SLC49A3: variants seen among roughly 807,000 people sequenced by gnomAD.
SLC49A3 encodes the protein solute carrier family 49 member A3.
In SLC49A3, 50 loss-of-function variants were observed where a neutral mutation model predicts 43.8. The observed-to-expected ratio is 1.14, with a 90% confidence interval of 0.91 to 1.45. The LOEUF (loss-of-function observed/expected upper bound fraction) is 1.45. Ranked by LOEUF, SLC49A3 falls within the 40% of genes most tolerant of loss-of-function variation. SLC49A3 has a pLI of 0.00. For missense variants in SLC49A3, 906 were observed against 774.1 expected (o/e 1.17, Z -2.02); for synonymous variants, 413 against 352.0 (o/e 1.17, Z -1.94).
chr4:683,434 C>T (rs1007089509), intron 7 of SLC49A3, 67 bp from the exon 8 acceptor site: 68 of 1,558,830 alleles, frequency 4.4e-5, no homozygotes, highest in Admixed American at 9.5e-5. Flanking sequence ...CCTGGCTTCA[C>T]GGGACATGGG....
intron 1 of SLC49A3, among the ~76,000 whole-genome samples, chr4:687,620 G>C (rs1741314029): frequency 1.3e-5 from 2 of 152,230 alleles, no homozygotes; most frequent in South Asian, 2.1e-4. Context: ...GGGGCCCACA[G>C]CTGACTCACT....
Position 685,658 on chromosome 4 carries a change from A to G in SLC49A3, c.585+177T>C, listed in dbSNP as rs1266418476. ...TAGGCGGAGGTTGCAGTGAGCCGAGATCGCGCCACTGCAATTCAGCCTGAG... is the reference window on the plus strand; with the variant it reads ...TAGGCGGAGGTTGCAGTGAGCCGAGGTCGCGCCACTGCAATTCAGCCTGAG... On this transcript the variant is annotated intron_variant, in intron 4 of 9. Transcript: ENST00000322224. The surrounding 1 kb of genome is among the most constrained non-coding windows in gnomAD (Gnocchi z 4.3). Among the ~76,000 whole-genome samples the G allele has an allele frequency of 1.3e-5, 2 of 151,968 alleles. No homozygotes were observed. Among genetic ancestry groups the G allele is most frequent in the African/African-American group, 4.8e-5 (2 of 41,368 alleles).
chr4:683,168 G>GGAGT lies in SLC49A3; in HGVS notation c.1151+38_1151+41dup, dbSNP rs568694139. The GGAGT allele has an allele frequency of 9.8e-5, 158 of 1,611,170 alleles. No individual in the cohort carries two copies. In the African/African-American group the frequency reaches 2.1e-3, roughly 21 times the overall value. ...CCAGGGGTGTAGGGGTGGAGCAAGG[G>GGAGT]GAGTATCTCTGGGGTTGCAGCAGGG... On this transcript the variant is annotated intron_variant, in intron 8 of 9. Transcript: ENST00000322224.
At position 682,143 on chromosome 4, in the gene SLC49A3, CTA is replaced by C; in HGVS notation, c.1493_1494del (p.Leu498ArgfsTer46). 7.5e-7 allele frequency: 1 copy of C among 1,341,784 alleles called. No individual in the cohort carries two copies. The highest frequency in any genetic ancestry group is 1.9e-5 in the South Asian group (1 of 53,608). The allele number at this position is 1,341,784 out of a possible 1,614,324, so 83.1% of individuals were successfully genotyped here. A position where few individuals can be genotyped will look rare whatever the true frequency, so the allele number is the denominator to read the frequency against. On this transcript the variant is annotated frameshift_variant, in exon 10 of 10. Transcript: ENST00000322224. LOFTEE classifies it low-confidence loss of function (END_TRUNC). ...TPECTARGAS[L>X]EDPRGPGSPH... is the part of the protein sequence containing the mutation. ...GGGCTCCCGGGCCCTCTGGGGTCCT[CTA>C]GCGAGGCCCCCCTCGCCGTGCACTC...
chr4:691,429 T>C (rs140713128), upstream of SLC49A3, among the ~76,000 whole-genome samples: 8 of 150,710 alleles, frequency 5.3e-5, no homozygotes, highest in South Asian at 1.5e-3. Context: ...CCGTCTTCAC[T>C]AAAAATGCAA....
rs765816872 is a variant in SLC49A3 at position 682,039 on chromosome 4, G to A, written c.1599C>T (p.Leu533=). 5 of 1,425,092 alleles carry A rather than the reference G, an allele frequency of 3.5e-6. No homozygotes were observed. The highest frequency in any genetic ancestry group is 4.6e-6 in the Non-Finnish European group (5 of 1,076,978). The allele number at this position is 1,425,092 out of a possible 1,614,324, so 88.3% of individuals were successfully genotyped here. The part of the protein sequence containing the change: ...ATDAPSRPGR[L]AGRVQASRFI... ...ACCTGGACGCTTGGACCCTGCCTGC[G>A]AGTCTGCCGGGGCGGGAGGGCGCGT... Residue 533 remains leucine (L), a synonymous_variant, in exon 10 of 10, where the codon CTC becomes CTT. Coordinates refer to ENST00000322224, the MANE Select transcript of SLC49A3 (RefSeq NM_032219.4).
downstream of SLC49A3, chr4:678,868 CTCAG>C (rs1739131226): frequency 6.2e-7 from 1 of 1,608,834 alleles, no homozygotes; most frequent in Non-Finnish European, 8.5e-7. Context: ...GAAGCCTATC[CTCAG>C]TCAGGGGTGC....
downstream of SLC49A3, chr4:678,358 C>G: frequency 7.1e-7 from 1 of 1,413,504 alleles, no homozygotes; most frequent in Middle Eastern, 2.6e-4. Flanking sequence ...CCCCTCAAGC[C>G]TTCAGAGGCC....
At chr4:689,221 G>A (rs560059749), upstream of SLC49A3, 3,853 of 967,754 alleles carry the variant, frequency 4.0e-3, 13 homozygotes, top group Non-Finnish European at 4.7e-3. Flanking sequence ...GGGCGGAGGT[G>A]GGGCCGGGCC....
Position 689,135 on chromosome 4 carries a change from G to A in SLC49A3, c.-8C>T. 1.5e-6 allele frequency: 2 copies of A among 1,356,180 alleles called. No homozygotes were observed. Among genetic ancestry groups the A allele is most frequent in the Non-Finnish European group, 1.9e-6 (2 of 1,061,526 alleles). The allele number at this position is 1,356,180 out of a possible 1,614,324, so 84.0% of individuals were successfully genotyped here. ...CTCCGTCGGCCCCGCCATCGTCGGC[G>A]GCCTCCACGGGTCTCCGCCGGTCCC... is the stretch of plus-strand genomic sequence containing the variant. On this transcript the variant is annotated 5_prime_UTR_variant, in exon 1 of 10. Coordinates refer to ENST00000322224, the MANE Select transcript of SLC49A3 (RefSeq NM_032219.4).
At chr4:680,553 G>C (rs1475410723), downstream of SLC49A3, 2 of 1,613,582 alleles carry the variant, frequency 1.2e-6, no homozygotes, top group African/African-American at 1.3e-5. Context: ...CAAGATGCTG[G>C]ACCCGGACGG....
At chr4:682,613 A>ACACCTGTCCTGGCT (rs777873093) in intron 9 of SLC49A3, among the ~76,000 whole-genome samples, 168 bp downstream of exon 9, 2 of 152,142 alleles carry the variant, frequency 1.3e-5, no homozygotes, top group African/African-American at 4.8e-5. Context: ...GATCTCGGCC[A>ACACCTGTCCTGGCT]CACCTGTCCT....
At position 684,800 on chromosome 4, in the gene SLC49A3, C is replaced by G. The variant is rs201100524; in HGVS notation, c.642G>C (p.Leu214=). ...GCGGGGTGGGGGGCACACTCTCCCA[C>G]AGGCAGATGGTGGACAGCAGGCAGA... ...GVVCLLSTIC[L]WESVPPTPPS... The change falls in exon 5 of 10, where the codon CTG becomes CTC. Residue 214 remains leucine, a synonymous_variant. Transcript: ENST00000322224. 104 of 1,612,594 alleles carry G rather than the reference C, an allele frequency of 6.4e-5. No homozygotes were observed. In the East Asian group the frequency reaches 2.3e-3, roughly 36 times the overall value.
chr4:690,557 T>C (rs1051860246), upstream of SLC49A3, among the ~76,000 whole-genome samples: 3 of 151,970 alleles, frequency 2.0e-5, no homozygotes, highest in Non-Finnish European at 4.4e-5. Context: ...AGAGGGGGAG[T>C]TGCAGTGCAG....
In SLC49A3 at chr4:682,105, G is replaced by A; in HGVS notation, c.1533C>T (p.Cys511=). 7.3e-7 allele frequency: 1 copy of A among 1,373,900 alleles called. No homozygotes were observed. Among genetic ancestry groups the A allele is most frequent in the Non-Finnish European group, 9.5e-7 (1 of 1,052,336 alleles). The allele number at this position is 1,373,900 out of a possible 1,614,324, so 85.1% of individuals were successfully genotyped here. A position where few individuals can be genotyped will look rare whatever the true frequency, so the allele number is the denominator to read the frequency against. Reference sequence around the variant, plus strand: ...CTTGCGCACGGGGAGTCGCTCGGTGGCAGGCTGGGTGGGGGCTCCCGGGCC... The same window carrying A: ...CTTGCGCACGGGGAGTCGCTCGGTGACAGGCTGGGTGGGGGCTCCCGGGCC... ...PRGPGSPHPA[C]HRATPRAQGP... Residue 511 remains cysteine (C), a synonymous_variant, in exon 10 of 10, where the codon TGC becomes TGT. Coordinates refer to ENST00000322224, the MANE Select transcript of SLC49A3 (RefSeq NM_032219.4).
downstream of SLC49A3, chr4:680,008 G>T (rs779274114): frequency 5.6e-6 from 9 of 1,612,448 alleles, no homozygotes; most frequent in Non-Finnish European, 7.6e-6. Flanking sequence ...TGTTTGGGGA[G>T]AAGCTGAGCG....
chr4:680,702 C>A, downstream of SLC49A3: 1 of 1,096,750 alleles, frequency 9.1e-7, no homozygotes, highest in Non-Finnish European at 1.3e-6. Context: ...CACCTCTGAC[C>A]AGCTTCAGGG....
downstream of SLC49A3, chr4:678,431 C>G: frequency 9.8e-6 from 14 of 1,423,806 alleles, no homozygotes; most frequent in Non-Finnish European, 1.3e-5. Context: ...CTGGAAGCCA[C>G]TGTCCCTCCC....
chr4:683,010 C>A, intron 8 of SLC49A3, 120 bp from the exon 9 acceptor site: 2 of 1,116,318 alleles, frequency 1.8e-6, no homozygotes, highest in South Asian at 1.5e-5. Flanking sequence ...GAAGGCAGCA[C>A]GCAGCCTCGG....
Sources: allele counts gnomAD v4.1 joint callset (sites outside exome capture counted in the v4.1 genomes callset), GRCh38; gene constraint gnomAD v4.1.1; non-coding constraint Gnocchi (gnomAD v3.1); transcripts MANE v1.5; gene names NCBI Gene and HGNC (gene_info 2026-07-23, HGNC 2026-07-21).